ANO4: variants seen among roughly 807,000 people sequenced by gnomAD.
ANO4 encodes anoctamin 4.
In ANO4, 69 loss-of-function variants were observed where a neutral mutation model predicts 141.9. That is an observed-to-expected ratio of 0.49 (90% CI 0.40 to 0.59). The LOEUF is 0.59. Among genes scored for constraint, ANO4 ranks in the 20% least tolerant of loss-of-function variants. The pLI is 0.00. For synonymous variants in ANO4, 350 were observed against 394.3 expected (o/e 0.89, Z 1.33); for missense variants, 894 against 1,162.2 (o/e 0.77, Z 3.36).
rs780029094 is a variant in ANO4, at chr12:101,042,455, C to T, written c.1141C>T (p.His381Tyr). ...VFLYGVTTLD[H>Y]SQVSKEVCQA... ...TTTGTATGGCGTCACCACTCTGGATCACAGCCAAGTCAGGTACGGGGAGCT... is the reference window on the plus strand; with the variant it reads ...TTTGTATGGCGTCACCACTCTGGATTACAGCCAAGTCAGGTACGGGGAGCT... The change falls in exon 12 of 28, where the codon CAC (histidine) becomes TAC (tyrosine). Residue 381 changes from histidine to tyrosine, a missense_variant. This residue lies in a region of ANO4 where 637 missense variants were observed against 909.2 expected (regional missense o/e 0.70). Transcript: ENST00000392977. 1 of 1,614,112 alleles carries T rather than the reference C, an allele frequency of 6.2e-7. No individual in the cohort carries two copies. The highest frequency in any genetic ancestry group is 8.5e-7 in the Non-Finnish European group (1 of 1,179,996).
chr12:100,792,821 A>G (rs1198495932), upstream of ANO4, among the ~76,000 whole-genome samples: 4 of 152,238 alleles, frequency 2.6e-5, no homozygotes. Context: ...TCCCTTATTA[A>G]GTATATTCTT....
chr12:100,814,769 AG>A (rs1463628660), intron 1 of ANO4, among the ~76,000 whole-genome samples: 1 of 152,046 alleles, frequency 6.6e-6, no homozygotes. Flanking sequence ...GGTGAATGTG[AG>A]GGTGGGAGAA....
chr12:101,041,465 G>T (rs1311612167), intron 11 of ANO4, among the ~76,000 whole-genome samples: 1 of 152,192 alleles, frequency 6.6e-6, no homozygotes, highest in Non-Finnish European at 1.5e-5. Context: ...ACATTGATTA[G>T]AAATCACAGA....
intron 1 of ANO4, among the ~76,000 whole-genome samples, chr12:100,840,530 A>T (rs2037184876): frequency 6.6e-6 from 1 of 152,100 alleles, no homozygotes; most frequent in Non-Finnish European, 1.5e-5. Flanking sequence ...GGAGGGATGG[A>T]ACCTAGATTG....
At chr12:100,830,567 A>G (rs1039952845) in intron 1 of ANO4, among the ~76,000 whole-genome samples, 4 of 152,016 alleles carry the variant, frequency 2.6e-5, no homozygotes, top group Non-Finnish European at 2.9e-5. Context: ...ATCACAGACC[A>G]TCAGCCCTCT....
At chr12:100,834,326 A>G (rs2036789626) in intron 1 of ANO4, among the ~76,000 whole-genome samples, 1 of 152,158 alleles carries the variant, frequency 6.6e-6, no homozygotes, top group Admixed American at 6.6e-5. Context: ...TATTATCACC[A>G]AAGACTTCAC....
chr12:100,817,077 C>G (rs1359825544), intron 1 of ANO4, among the ~76,000 whole-genome samples: 1 of 151,720 alleles, frequency 6.6e-6, no homozygotes, highest in African/African-American at 2.4e-5. Flanking sequence ...GCCTTTGGGT[C>G]ATTATTTTGT....
chr12:100,844,503 T>A (rs2037456396), intron 1 of ANO4, among the ~76,000 whole-genome samples: 1 of 151,400 alleles, frequency 6.6e-6, no homozygotes, highest in Admixed American at 6.6e-5. Context: ...TGGATGAGAG[T>A]TGGGGAAGTG....
chr12:101,126,015 A>G (rs1042911896), intron 26 of ANO4, among the ~76,000 whole-genome samples: 4 of 151,494 alleles, frequency 2.6e-5, no homozygotes, highest in African/African-American at 9.8e-5. Flanking sequence ...TCTGTCAGAC[A>G]AAACTTTTTA....
At chr12:100,957,652 G>A (rs1480406069) in intron 5 of ANO4, among the ~76,000 whole-genome samples, 4 of 152,014 alleles carry the variant, frequency 2.6e-5, no homozygotes, top group Non-Finnish European at 4.4e-5. Context: ...GTGCAGTGGC[G>A]CGATCTCAGC....
chr12:100,954,259 A>AT (rs1592824940), intron 5 of ANO4, among the ~76,000 whole-genome samples: 1 of 152,216 alleles, frequency 6.6e-6, no homozygotes, highest in East Asian at 1.9e-4. Flanking sequence ...AAGGTTGGGC[A>AT]TGAAGGTCAG....
At chr12:101,021,106 C>A (rs1230834775) in intron 9 of ANO4, among the ~76,000 whole-genome samples, 8 of 152,192 alleles carry the variant, frequency 5.3e-5, no homozygotes, top group Admixed American at 5.2e-4. Context: ...CAATGCTAAG[C>A]TGCAGATCCT....
intron 1 of ANO4, chr12:100,852,427 AC>A (rs1252430178): frequency 1.3e-5 from 2 of 152,190 alleles, no homozygotes; most frequent in Non-Finnish European, 2.9e-5. Context: ...CCTCCAGGAT[AC>A]AGGCTTCTTC....
intron 1 of ANO4, among the ~76,000 whole-genome samples, chr12:100,886,788 G>A (rs1331899501): frequency 6.6e-6 from 1 of 152,102 alleles, no homozygotes; most frequent in Non-Finnish European, 1.5e-5. Context: ...GGCCCACAAA[G>A]CCCAAAATAA....
intron 1 of ANO4, among the ~76,000 whole-genome samples, chr12:100,845,867 A>G (rs2037530789): frequency 6.6e-6 from 1 of 152,212 alleles, no homozygotes; most frequent in African/African-American, 2.4e-5. Flanking sequence ...CATCTGGTTT[A>G]GTTTCATTGA....
At chr12:101,091,659 A>G (rs1249183991) in intron 17 of ANO4, among the ~76,000 whole-genome samples, 1 of 152,140 alleles carries the variant, frequency 6.6e-6, no homozygotes, top group Non-Finnish European at 1.5e-5. Flanking sequence ...CATATTGACC[A>G]TACTTTTCTT....
chr12:101,050,180 GA>G (rs1391632468), intron 14 of ANO4, among the ~76,000 whole-genome samples: 1 of 152,168 alleles, frequency 6.6e-6, no homozygotes, highest in Non-Finnish European at 1.5e-5. Context: ...CCAACTGGGA[GA>G]AAATGTAAGA....
chr12:101,083,885 T>C (rs1198000647), intron 16 of ANO4, 67 bp downstream of exon 16: 3 of 1,366,010 alleles, frequency 2.2e-6, no homozygotes, highest in Non-Finnish European at 2.9e-6. Flanking sequence ...ACAGTAATCA[T>C]ATTGGGCATT....
chr12:100,983,219 A>G (rs1301219591), intron 7 of ANO4, among the ~76,000 whole-genome samples: 1 of 152,194 alleles, frequency 6.6e-6, no homozygotes, highest in Non-Finnish European at 1.5e-5. Context: ...TGAGAACAGC[A>G]TGTGGAATGG....
Sources: gnomAD v4.1 joint callset for allele counts (sites outside exome capture counted in the v4.1 genomes callset) on GRCh38, gnomAD v4.1.1 for gene constraint, gnomAD v4.1.1 regional missense constraint, MANE v1.5 for transcripts, NCBI Gene and HGNC (gene_info 2026-07-23, HGNC 2026-07-21) for gene names.